SHISA6: variants seen among roughly 807,000 people sequenced by gnomAD.
SHISA6 encodes shisa family member 6, also known as protein shisa-6.
A neutral mutation model predicts 47.9 loss-of-function variants in SHISA6; 22 were observed. The ratio of observed to expected loss-of-function variants is 0.46; its 90% CI spans 0.33 to 0.66. The LOEUF (loss-of-function observed/expected upper bound fraction) is 0.66, where lower values mean the gene tolerates loss of function less well. Ranked by LOEUF, SHISA6 falls within the 30% of genes least tolerant of loss-of-function variation. SHISA6 has a pLI of 0.02. For missense variants in SHISA6, 680 were observed against 764.6 expected, an observed-to-expected ratio of 0.89 and a Z score of 1.30; for synonymous variants, 388 against 337.8, an observed-to-expected ratio of 1.15 and a Z score of -1.63.
intron 3 of SHISA6, among the ~76,000 whole-genome samples, chr17:11,429,786 C>T (rs534485495): frequency 1.0e-4 from 15 of 150,192 alleles, no homozygotes; most frequent in South Asian, 6.3e-4. Flanking sequence ...AGTGAAACTC[C>T]GTCTCAAAAA....
chr17:11,264,697 T>C (rs1908360305), intron 2 of SHISA6, among the ~76,000 whole-genome samples: 1 of 152,204 alleles, frequency 6.6e-6, no homozygotes, highest in African/African-American at 2.4e-5. Flanking sequence ...AGCCACTAGG[T>C]GGCAGTGGGT....
At chr17:11,334,349 G>A (rs1911241625) in intron 2 of SHISA6, among the ~76,000 whole-genome samples, 1 of 152,188 alleles carries the variant, frequency 6.6e-6, no homozygotes, top group African/African-American at 2.4e-5. Context: ...CACCCAGTTG[G>A]TGTCAGAAGC....
At chr17:11,352,861 C>T (rs1911934788) in intron 2 of SHISA6, among the ~76,000 whole-genome samples, 1 of 152,182 alleles carries the variant, frequency 6.6e-6, no homozygotes, top group South Asian at 2.1e-4. Context: ...CATTTCCCAA[C>T]CAATACTAAC....
chr17:11,277,315 CA>C (rs1359179372), intron 2 of SHISA6, among the ~76,000 whole-genome samples: 15 of 149,746 alleles, frequency 1.0e-4, no homozygotes, highest in African/African-American at 1.7e-4. Flanking sequence ...CACACACACA[CA>C]CACCCCGCAT....
At chr17:11,427,790 G>GA (rs376566372) in intron 3 of SHISA6, among the ~76,000 whole-genome samples, 48 of 147,746 alleles carry the variant, frequency 3.2e-4, no homozygotes, top group Non-Finnish European at 5.2e-4. Context: ...CACATGAATA[G>GA]AAAAAAAAAA....
At chr17:11,490,359 AAGG>A (rs754156331) in intron 3 of SHISA6, among the ~76,000 whole-genome samples, 2 of 152,102 alleles carry the variant, frequency 1.3e-5, no homozygotes, top group Non-Finnish European at 2.9e-5. Context: ...AGGAAAAATG[AAGG>A]AGAAGCAGGG....
chr17:11,538,313 G>A (rs1204709311), intron 3 of SHISA6, among the ~76,000 whole-genome samples: 4 of 152,126 alleles, frequency 2.6e-5, no homozygotes, highest in Admixed American at 6.5e-5. Context: ...CACCCGCTTC[G>A]GCCTCCCAAA....
At chr17:11,463,865 C>T (rs907261461) in intron 3 of SHISA6, among the ~76,000 whole-genome samples, 2 of 152,104 alleles carry the variant, frequency 1.3e-5, no homozygotes, top group Admixed American at 6.5e-5. Flanking sequence ...ATGCAAAGCA[C>T]CTGTAGGTAT....
At chr17:11,264,894 A>G (rs989170) in intron 2 of SHISA6, among the ~76,000 whole-genome samples, 11,573 of 152,278 alleles carry the variant, frequency 0.076, 481 homozygotes, top group East Asian at 0.17. Flanking sequence ...ATACATATAC[A>G]TATTCATATT....
chr17:11,522,308 G>C (rs2071636891), intron 3 of SHISA6, among the ~76,000 whole-genome samples: 1 of 152,036 alleles, frequency 6.6e-6, no homozygotes, highest in Admixed American at 6.6e-5. Context: ...TTGTCGCCCA[G>C]ACTGGAGTGC....
chr17:11,496,158 G>A (rs376985699), intron 3 of SHISA6, among the ~76,000 whole-genome samples: 41 of 152,050 alleles, frequency 2.7e-4, no homozygotes, highest in African/African-American at 9.2e-4. Flanking sequence ...GGAACCAGTG[G>A]GGCCTCCCCA....
chr17:11,375,598 C>T (rs939364085), intron 2 of SHISA6, among the ~76,000 whole-genome samples: 4 of 152,114 alleles, frequency 2.6e-5, no homozygotes, highest in Non-Finnish European at 4.4e-5. Flanking sequence ...AGAAACTTTC[C>T]CTCCACTTGC....
intron 3 of SHISA6, among the ~76,000 whole-genome samples, chr17:11,532,515 G>A (rs2071744494): frequency 6.6e-6 from 1 of 152,216 alleles, no homozygotes; most frequent in South Asian, 2.1e-4. Flanking sequence ...GCGCGTATGT[G>A]TGTAAATGCC....
chr17:11,292,928 G>A (rs918646026), intron 2 of SHISA6, among the ~76,000 whole-genome samples: 11 of 151,246 alleles, frequency 7.3e-5, no homozygotes, highest in Non-Finnish European at 1.6e-4. Flanking sequence ...GGGTTCAAGC[G>A]ATTCTCCTGC....
chr17:11,261,501 C>A (rs1027752587), intron 1 of SHISA6, among the ~76,000 whole-genome samples: 31 of 152,244 alleles, frequency 2.0e-4, no homozygotes, highest in Non-Finnish European at 4.4e-5. Context: ...GAGACAGCCC[C>A]TGGTAACCAC....
chr17:11,548,801 A>G (rs1469441144), intron 3 of SHISA6, among the ~76,000 whole-genome samples: 2 of 152,202 alleles, frequency 1.3e-5, no homozygotes, highest in Admixed American at 6.5e-5. Context: ...AGAATAGACT[A>G]TTCTATAGAT....
intron 3 of SHISA6, among the ~76,000 whole-genome samples, chr17:11,422,465 A>T (rs1034649916): frequency 2.6e-5 from 4 of 152,210 alleles, no homozygotes; most frequent in Non-Finnish European, 4.4e-5. Context: ...ACAAGAGTAC[A>T]TCTAGGCCAG....
chr17:11,438,517 C>T (rs1466182213), intron 3 of SHISA6, among the ~76,000 whole-genome samples: 1 of 152,098 alleles, frequency 6.6e-6, no homozygotes, highest in East Asian at 1.9e-4. Context: ...TATGTGCTCC[C>T]CTGGACTTTC....
At chr17:11,372,681 G>A (rs1912666120) in intron 2 of SHISA6, among the ~76,000 whole-genome samples, 1 of 151,928 alleles carries the variant, frequency 6.6e-6, no homozygotes, top group African/African-American at 2.4e-5. Flanking sequence ...GTAAACAAAG[G>A]GAAAAGGCCT....
Sources: gnomAD v4.1 joint callset for allele counts (sites outside exome capture counted in the v4.1 genomes callset) on GRCh38, gnomAD v4.1.1 for gene constraint, MANE v1.5 for transcripts, NCBI Gene and HGNC (gene_info 2026-07-23, HGNC 2026-07-21) for gene names.